CCDC60: variants seen among roughly 807,000 people sequenced by gnomAD.
CCDC60 encodes coiled-coil domain-containing protein 60.
Under a neutral mutation model 63.5 loss-of-function variants are expected in CCDC60, and 54 were observed. The observed-to-expected ratio is 0.85, with a 90% CI of 0.68 to 1.07. The LOEUF (loss-of-function observed/expected upper bound fraction) is 1.07. CCDC60 is among the 50% of genes least tolerant of loss of function. The pLI is 0.00. For synonymous variants in CCDC60, 206 were observed against 238.8 expected, an observed-to-expected ratio of 0.86 and a Z score of 1.27; for missense variants, 651 against 684.3, an observed-to-expected ratio of 0.95 and a Z score of 0.54.
chr12:119,454,183 T>A (rs1387891552), intron 2 of CCDC60, among the ~76,000 whole-genome samples: 1 of 152,160 alleles, frequency 6.6e-6, no homozygotes, highest in Non-Finnish European at 1.5e-5. Context: ...CATGTAATAC[T>A]TTGGAATTAG....
At chr12:119,508,718 C>G (rs1952126504) in intron 7 of CCDC60, among the ~76,000 whole-genome samples, 1 of 152,136 alleles carries the variant, frequency 6.6e-6, no homozygotes, top group Non-Finnish European at 1.5e-5. Flanking sequence ...AGTAAGACTT[C>G]AGAATTATTC....
chr12:119,505,788 G>A (rs983218228), intron 7 of CCDC60, among the ~76,000 whole-genome samples: 7 of 152,144 alleles, frequency 4.6e-5, no homozygotes, highest in Non-Finnish European at 8.8e-5. Flanking sequence ...CCTGGGAGGC[G>A]AGGTTGCAGT....
At chr12:119,474,301 G>C (rs187516856) in intron 3 of CCDC60, among the ~76,000 whole-genome samples, 1 of 152,342 alleles carries the variant, frequency 6.6e-6, no homozygotes, top group East Asian at 1.9e-4. Flanking sequence ...CAAACTGCCA[G>C]GTCATTTGCC....
At chr12:119,341,315 C>A (rs1955530201) in intron 1 of CCDC60, among the ~76,000 whole-genome samples, 3 of 151,864 alleles carry the variant, frequency 2.0e-5, no homozygotes, top group Admixed American at 2.0e-4. Context: ...GCTATTTGTC[C>A]CATCTGCAAG....
intron 2 of CCDC60, among the ~76,000 whole-genome samples, chr12:119,449,661 G>A (rs1311536812): frequency 3.3e-5 from 5 of 152,178 alleles, no homozygotes; most frequent in Non-Finnish European, 2.9e-5. Context: ...GCCAGGTTCT[G>A]AGGACGCAGG....
chr12:119,532,058 A>T (rs1952857715), intron 13 of CCDC60, among the ~76,000 whole-genome samples: 1 of 152,080 alleles, frequency 6.6e-6, no homozygotes, highest in Non-Finnish European at 1.5e-5. Flanking sequence ...CCACAGAATG[A>T]CCTGGGTGTG....
At chr12:119,352,480 T>C (rs1955666120) in intron 1 of CCDC60, among the ~76,000 whole-genome samples, 1 of 152,206 alleles carries the variant, frequency 6.6e-6, no homozygotes, top group Admixed American at 6.5e-5. Flanking sequence ...AGGCTCAGAA[T>C]TTAAATATGT....
intron 7 of CCDC60, among the ~76,000 whole-genome samples, chr12:119,515,038 C>T (rs1952318652): frequency 6.6e-6 from 1 of 152,148 alleles, no homozygotes; most frequent in Non-Finnish European, 1.5e-5. Flanking sequence ...GTATAGTAAG[C>T]TATGCCCAGG....
chr12:119,469,134 G>C (rs1037231217), intron 2 of CCDC60, among the ~76,000 whole-genome samples: 1 of 152,116 alleles, frequency 6.6e-6, no homozygotes, highest in Non-Finnish European at 1.5e-5. Flanking sequence ...CTTCCACTCA[G>C]AGTCAACAAT....
intron 7 of CCDC60, among the ~76,000 whole-genome samples, chr12:119,512,332 T>C (rs150374213): frequency 1.3e-5 from 2 of 152,356 alleles, no homozygotes; most frequent in East Asian, 3.9e-4. Flanking sequence ...TGTTCACTTT[T>C]ACGTTTAGCA....
At chr12:119,518,858 A>G (rs576498861) in intron 8 of CCDC60, among the ~76,000 whole-genome samples, 2 of 152,306 alleles carry the variant, frequency 1.3e-5, no homozygotes, top group East Asian at 1.9e-4. Flanking sequence ...AGTGACTTCC[A>G]TAAGGTCTTC....
At chr12:119,440,648 G>A (rs1444480994) in intron 2 of CCDC60, among the ~76,000 whole-genome samples, 1 of 152,216 alleles carries the variant, frequency 6.6e-6, no homozygotes, top group Admixed American at 6.5e-5. Context: ...GGAAGTTTGT[G>A]TGCAGGGGTT....
chr12:119,396,645 C>T (rs374897720), intron 1 of CCDC60, among the ~76,000 whole-genome samples: 5 of 152,194 alleles, frequency 3.3e-5, no homozygotes, highest in African/African-American at 1.2e-4. Flanking sequence ...TTTGAGAGGC[C>T]AAGGCAGGAG....
chr12:119,349,885 G>A (rs1955637491), intron 1 of CCDC60, among the ~76,000 whole-genome samples: 2 of 152,170 alleles, frequency 1.3e-5, no homozygotes, highest in Admixed American at 1.3e-4. Flanking sequence ...AGTGCAGGAA[G>A]CTCTTCTCTG....
At chr12:119,513,698 C>G (rs1003372759) in intron 7 of CCDC60, among the ~76,000 whole-genome samples, 1 of 152,152 alleles carries the variant, frequency 6.6e-6, no homozygotes, top group Non-Finnish European at 1.5e-5. Context: ...TAGAGTGAAG[C>G]TGAAAAATTC....
Position 119,456,993 on chromosome 12 carries a change from A to G in CCDC60, c.171-15001A>G, listed in dbSNP as rs1247767727. On this transcript the variant is annotated intron_variant, in intron 2 of 13. Transcript: ENST00000327554. This position sits in a 1 kb window ranked among gnomAD's most constrained non-coding sequence, Gnocchi z 4.6. Reference sequence around the variant, plus strand: ...AGTAGGTCTCAGCATCATTTTACCTAGCCCCATTCAAGATGGAGTTGCTCT... The same window carrying G: ...AGTAGGTCTCAGCATCATTTTACCTGGCCCCATTCAAGATGGAGTTGCTCT... Among the ~76,000 whole-genome samples the G allele has an allele frequency of 6.6e-6, 1 of 152,214 alleles. No individual in the cohort carries two copies. The highest frequency in any genetic ancestry group is 1.5e-5 in the Non-Finnish European group (1 of 68,030).
intron 1 of CCDC60, among the ~76,000 whole-genome samples, chr12:119,335,743 G>T (rs1245671450): frequency 1.3e-5 from 2 of 151,764 alleles, no homozygotes; most frequent in African/African-American, 4.8e-5. Context: ...CTCCCATTTT[G>T]TAGGTTGCCT....
At chr12:119,384,616 G>A (rs970362720) in intron 1 of CCDC60, among the ~76,000 whole-genome samples, 1 of 152,226 alleles carries the variant, frequency 6.6e-6, no homozygotes, top group African/African-American at 2.4e-5. Flanking sequence ...GCTCCCACTG[G>A]TGGCTAACTT....
intron 2 of CCDC60, among the ~76,000 whole-genome samples, chr12:119,434,475 A>G (rs1362412164): frequency 6.6e-6 from 1 of 152,246 alleles, no homozygotes; most frequent in Non-Finnish European, 1.5e-5. Context: ...GACTTGCATT[A>G]TAATGAGGTA....
Sources: gnomAD v4.1 joint callset for allele counts (sites outside exome capture counted in the v4.1 genomes callset) on GRCh38, gnomAD v4.1.1 for gene constraint, Gnocchi (gnomAD v3.1) non-coding constraint, MANE v1.5 for transcripts, NCBI Gene and HGNC (gene_info 2026-07-23, HGNC 2026-07-21) for gene names.